SRGAP3: variants seen among roughly 807,000 people sequenced by gnomAD.
SRGAP3 encodes the protein SLIT-ROBO Rho GTPase-activating protein 3.
SRGAP3 carries 39 observed loss-of-function variants against 121.1 expected under a neutral mutation model. The observed-to-expected ratio is 0.32, with a 90% CI of 0.25 to 0.42. The LOEUF (loss-of-function observed/expected upper bound fraction) is 0.42, where lower values mean the gene tolerates loss of function less well. SRGAP3 is among the 10% of genes least tolerant of loss of function. The pLI is 1.00. For missense variants in SRGAP3, 1,213 were observed against 1,470.6 expected (o/e 0.82, Z 2.86); for synonymous variants, 601 against 570.0 (o/e 1.05, Z -0.77).
At chr3:9,246,089 G>T (rs1043751269) in intron 1 of SRGAP3, among the ~76,000 whole-genome samples, 7 of 152,142 alleles carry the variant, frequency 4.6e-5, no homozygotes, top group Non-Finnish European at 8.8e-5. Flanking sequence ...GCAAGAGAAG[G>T]CATGAATCCT....
intron 10 of SRGAP3, among the ~76,000 whole-genome samples, chr3:9,039,404 C>A (rs1183571957): frequency 6.6e-6 from 1 of 152,174 alleles, no homozygotes; most frequent in Non-Finnish European, 1.5e-5. Flanking sequence ...CCAAGGACTC[C>A]CTACTCTATG....
exon 1 of SRGAP3, chr3:9,362,989 G>T (rs1014415247): frequency 6.6e-6 from 1 of 152,212 alleles, no homozygotes; most frequent in African/African-American, 2.4e-5. Flanking sequence ...CCAAGACCTT[G>T]TGGGGGAACC....
intron 9 of SRGAP3, 136 bp downstream of exon 9, chr3:9,052,891 A>T: frequency 9.4e-7 from 1 of 1,064,736 alleles, no homozygotes; most frequent in Non-Finnish European, 1.4e-6. Flanking sequence ...ACTTAATTTT[A>T]AAAGCATGGT....
intron 2 of SRGAP3, among the ~76,000 whole-genome samples, chr3:9,120,401 C>T (rs1441649369): frequency 6.6e-6 from 1 of 152,226 alleles, no homozygotes; most frequent in African/African-American, 2.4e-5. Context: ...CCAGGCCTCC[C>T]CAAGCCATGT....
intron 3 of SRGAP3, among the ~76,000 whole-genome samples, chr3:9,089,058 G>C (rs1250826511): frequency 6.6e-6 from 1 of 151,954 alleles, no homozygotes; most frequent in Non-Finnish European, 1.5e-5. Flanking sequence ...ATTTACACGG[G>C]TGTTTATTGA....
intron 3 of SRGAP3, among the ~76,000 whole-genome samples, chr3:9,102,908 A>C (rs1948273983): frequency 6.6e-6 from 1 of 152,198 alleles, no homozygotes; most frequent in Admixed American, 6.5e-5. Flanking sequence ...CCCACCAAGG[A>C]AAAAAGATGT....
intron 14 of SRGAP3, among the ~76,000 whole-genome samples, chr3:9,020,583 G>A (rs546732612): frequency 1.3e-5 from 2 of 152,088 alleles, no homozygotes; most frequent in Admixed American, 1.3e-4. Flanking sequence ...AGCATGATTC[G>A]CATATTGACT....
At chr3:9,204,332 G>A (rs575239082) in intron 1 of SRGAP3, among the ~76,000 whole-genome samples, 54 of 152,338 alleles carry the variant, frequency 3.5e-4, no homozygotes, top group Middle Eastern at 6.8e-3. Context: ...AAGCAGTGGC[G>A]TTGACAGAGC....
chr3:9,129,468 CAAAA>C (rs750384100), intron 1 of SRGAP3, among the ~76,000 whole-genome samples: 6 of 68,992 alleles, frequency 8.7e-5, no homozygotes, highest in Non-Finnish European at 9.8e-5. Flanking sequence ...GGTAGGTAAG[CAAAA>C]AAAAAAAAAA....
At chr3:9,291,102 T>A (rs1250397622) in intron 3 of SRGAP3, among the ~76,000 whole-genome samples, 2 of 152,106 alleles carry the variant, frequency 1.3e-5, no homozygotes, top group African/African-American at 4.8e-5. Context: ...AGGAGTGCAA[T>A]AAAATTCCCC....
chr3:9,058,959 C>T (rs1008605444), intron 6 of SRGAP3: 41 of 175,508 alleles, frequency 2.3e-4, no homozygotes, highest in Non-Finnish European at 4.4e-4. Flanking sequence ...ACATTGTGAT[C>T]TACCCGCCTC....
intron 3 of SRGAP3, among the ~76,000 whole-genome samples, chr3:9,282,302 AC>A (rs1954693699): frequency 6.6e-6 from 1 of 152,360 alleles, no homozygotes; most frequent in Non-Finnish European, 1.5e-5. Flanking sequence ...TTAACTCATT[AC>A]ATGTGAACAT....
chr3:9,068,181 C>T (rs946319088), intron 4 of SRGAP3, among the ~76,000 whole-genome samples: 2 of 152,096 alleles, frequency 1.3e-5, no homozygotes, highest in African/African-American at 2.4e-5. Context: ...CTGCTTGCCT[C>T]GCCACGAATC....
intron 18 of SRGAP3, among the ~76,000 whole-genome samples, chr3:8,997,996 C>T (rs780785432): frequency 3.3e-5 from 5 of 152,110 alleles, no homozygotes; most frequent in Admixed American, 6.5e-5. Flanking sequence ...ATTCTTCCAC[C>T]TCAGCCTCCT....
Position 9,249,198 on chromosome 3 carries a change from C to T in SRGAP3, c.-247G>A. ...TCAGCTCCTCTTGCAAAAGAAGAATCACCCTAGGAGCACAGTAACCTGCCC... is the reference window on the plus strand; with the variant it reads ...TCAGCTCCTCTTGCAAAAGAAGAATTACCCTAGGAGCACAGTAACCTGCCC... On this transcript the variant is annotated 5_prime_UTR_variant, in exon 1 of 22. Coordinates refer to ENST00000383836, the MANE Select transcript of SRGAP3 (RefSeq NM_014850.4). 24 of 575,206 alleles carry T rather than the reference C, an allele frequency of 4.2e-5. No homozygotes were observed. The South Asian group carries it at 4.9e-4, about 12-fold the overall frequency. 35.6% of individuals were successfully genotyped at this position (575,206 alleles called of 1,614,324 possible). A position where few individuals can be genotyped will look rare whatever the true frequency, so the allele number is the denominator to read the frequency against.
rs139628924 is a variant in SRGAP3, at chr3:9,129,664, C to G, written c.68-4747G>C. ...TTTCATTCTTTCATGCATGCCATCTCTGCCTCATCTCCTCAAATGAAATTT... is the reference window on the plus strand; with the variant it reads ...TTTCATTCTTTCATGCATGCCATCTGTGCCTCATCTCCTCAAATGAAATTT... On this transcript the variant is annotated intron_variant, in intron 1 of 21. Transcript: ENST00000383836. Among the ~76,000 whole-genome samples, 1,117 of 152,128 alleles carry G rather than the reference C, an allele frequency of 7.3e-3. 14 individuals are homozygous for G. Among genetic ancestry groups the G allele is most frequent in the African/African-American group, 0.026 (1,068 of 41,494 alleles).
chr3:9,129,909 C>T (rs1035097147), intron 1 of SRGAP3, among the ~76,000 whole-genome samples: 11 of 151,812 alleles, frequency 7.2e-5, no homozygotes, highest in Non-Finnish European at 1.3e-4. Context: ...TTATAGGCAC[C>T]GGCCACCACA....
At chr3:9,157,301 A>T (rs536814445) in intron 1 of SRGAP3, among the ~76,000 whole-genome samples, 7 of 152,248 alleles carry the variant, frequency 4.6e-5, no homozygotes, top group African/African-American at 1.7e-4. Flanking sequence ...AACATCCCAG[A>T]TCTCATGAGA....
In SRGAP3 at chr3:8,994,475, G is replaced by C. The variant is rs748768469; in HGVS notation, c.2276C>G (p.Ser759Cys). The C allele has an allele frequency of 1.2e-6, 2 of 1,614,170 alleles. No homozygotes were observed. Among genetic ancestry groups the C allele is most frequent in the South Asian group, 2.2e-5 (2 of 91,086 alleles). ...CTTCTTGAAGGATAGCTCACGCGGG[G>C]ACCGCCCCATGTAGTCAAACTTGGC... ...AIAKFDYMGR[S>C]PRELSFKKGA... The change falls in exon 19 of 22, where the codon TCC becomes TGC. Residue 759 changes from serine to cysteine, a missense_variant. Ser to Cys is a moderately radical substitution (Grantham distance 112). Transcript: ENST00000383836.
Sources: gnomAD v4.1 joint callset for allele counts (sites outside exome capture counted in the v4.1 genomes callset) on GRCh38, gnomAD v4.1.1 for gene constraint, MANE v1.5 for transcripts, NCBI Gene and HGNC (gene_info 2026-07-23, HGNC 2026-07-21) for gene names.